Variants in ARHGAP15 observed in about 807,000 individuals in gnomAD.
ARHGAP15 encodes the protein rho GTPase-activating protein 15.
A neutral mutation model predicts 63.7 loss-of-function variants in ARHGAP15; 51 were observed. That is an observed-to-expected ratio of 0.80 (90% CI 0.64 to 1.01). ARHGAP15 has a LOEUF of 1.01. ARHGAP15 is among the 50% of genes least tolerant of loss of function. The probability of loss-of-function intolerance (pLI) is 0.00; values close to 1 mark genes in which losing one functional copy is unlikely to be tolerated. For missense variants in ARHGAP15, 560 were observed against 564.6 expected (o/e 0.99, Z 0.08); for synonymous variants, 191 against 193.8 (o/e 0.99, Z 0.12).
At chr2:143,323,944 G>A (rs893977248) in intron 6 of ARHGAP15, among the ~76,000 whole-genome samples, 1 of 141,546 alleles carries the variant, frequency 7.1e-6, no homozygotes, top group Admixed American at 7.0e-5. Flanking sequence ...GGCAGACAAC[G>A]GGCCATGTAT....
intron 6 of ARHGAP15, among the ~76,000 whole-genome samples, chr2:143,258,817 C>A (rs756843373): frequency 6.6e-6 from 1 of 152,148 alleles, no homozygotes; most frequent in African/African-American, 2.4e-5. Flanking sequence ...CTATTAGATT[C>A]TTGACCTCAG....
At chr2:143,339,630 A>G (rs1684965776) in intron 6 of ARHGAP15, among the ~76,000 whole-genome samples, 2 of 152,120 alleles carry the variant, frequency 1.3e-5, no homozygotes, top group South Asian at 4.1e-4. Context: ...TATTTCTCCC[A>G]TGTCATCAAA....
At chr2:143,137,632 C>G (rs1689201598) in intron 1 of ARHGAP15, among the ~76,000 whole-genome samples, 2 of 152,062 alleles carry the variant, frequency 1.3e-5, no homozygotes, top group South Asian at 4.2e-4. Flanking sequence ...GAGCAACTAC[C>G]TCTAAGTATT....
intron 6 of ARHGAP15, among the ~76,000 whole-genome samples, chr2:143,368,884 A>T (rs1285052327): frequency 1.3e-5 from 2 of 152,146 alleles, no homozygotes; most frequent in Non-Finnish European, 2.9e-5. Flanking sequence ...TGATTAGATC[A>T]CTACTACCTT....
At chr2:143,413,507 C>T (rs1311460396) in intron 6 of ARHGAP15, among the ~76,000 whole-genome samples, 1 of 152,030 alleles carries the variant, frequency 6.6e-6, no homozygotes, top group Non-Finnish European at 1.5e-5. Context: ...TTGATTGATT[C>T]AGACAGTCAA....
At chr2:143,502,875 C>A (rs965616598) in intron 9 of ARHGAP15, among the ~76,000 whole-genome samples, 1 of 152,124 alleles carries the variant, frequency 6.6e-6, no homozygotes, top group African/African-American at 2.4e-5. Context: ...CCACTGTGCC[C>A]GCCCCTGTGT....
intron 9 of ARHGAP15, among the ~76,000 whole-genome samples, chr2:143,512,752 C>T (rs1693645025): frequency 6.6e-6 from 1 of 152,204 alleles, no homozygotes; most frequent in Non-Finnish European, 1.5e-5. Flanking sequence ...AGTGCCATGG[C>T]AAGGATACAG....
intron 5 of ARHGAP15, among the ~76,000 whole-genome samples, chr2:143,249,082 G>A (rs566412530): frequency 6.6e-6 from 1 of 152,200 alleles, no homozygotes; most frequent in African/African-American, 2.4e-5. Flanking sequence ...CTAAAATAGT[G>A]ATCACCTGGG....
At chr2:143,756,835 G>A (rs1041818637) in intron 13 of ARHGAP15, among the ~76,000 whole-genome samples, 3 of 152,106 alleles carry the variant, frequency 2.0e-5, no homozygotes, top group Non-Finnish European at 4.4e-5. Flanking sequence ...TGAATTAGGT[G>A]ATTAAAAAAT....
At chr2:143,405,307 T>G (rs977087057) in intron 6 of ARHGAP15, among the ~76,000 whole-genome samples, 5 of 151,912 alleles carry the variant, frequency 3.3e-5, no homozygotes, top group African/African-American at 1.2e-4. Flanking sequence ...TTTATTTGTT[T>G]TGTATCGTGG....
At chr2:143,357,128 C>T (rs1262871591) in intron 6 of ARHGAP15, among the ~76,000 whole-genome samples, 2 of 152,120 alleles carry the variant, frequency 1.3e-5, no homozygotes, top group Admixed American at 1.3e-4. Context: ...GAATAAGTTT[C>T]CATTACTGAC....
chr2:143,281,486 A>G (rs866072442), intron 6 of ARHGAP15, among the ~76,000 whole-genome samples: 2 of 152,176 alleles, frequency 1.3e-5, no homozygotes, highest in Non-Finnish European at 2.9e-5. Context: ...AAATAGAAAC[A>G]TGCTTCATGA....
chr2:143,497,170 T>C (rs76882054), intron 9 of ARHGAP15, among the ~76,000 whole-genome samples: 2,882 of 152,282 alleles, frequency 0.019, 37 homozygotes, highest in Non-Finnish European at 0.03. Flanking sequence ...AAATCTTGTG[T>C]GTGTGTGTCT....
At chr2:143,590,777 T>C (rs900679434) in intron 11 of ARHGAP15, among the ~76,000 whole-genome samples, 4 of 152,228 alleles carry the variant, frequency 2.6e-5, no homozygotes, top group African/African-American at 9.6e-5. Context: ...ACTTGGGCCT[T>C]CACTAGATGT....
intron 9 of ARHGAP15, among the ~76,000 whole-genome samples, chr2:143,504,889 C>G (rs901889395): frequency 1.3e-5 from 2 of 152,196 alleles, no homozygotes; most frequent in Non-Finnish European, 1.5e-5. Context: ...CTCCATCCCT[C>G]TGGATCCCAC....
chr2:143,530,668 C>T (rs1196481246), intron 10 of ARHGAP15, among the ~76,000 whole-genome samples: 2 of 152,200 alleles, frequency 1.3e-5, no homozygotes, highest in Admixed American at 1.3e-4. Context: ...CATCTACCAT[C>T]CACTGAATAG....
chr2:143,543,874 T>A (rs1281615233), intron 10 of ARHGAP15, among the ~76,000 whole-genome samples: 1 of 152,138 alleles, frequency 6.6e-6, no homozygotes, highest in African/African-American at 2.4e-5. Flanking sequence ...CTTTGTTAGA[T>A]GGTTAACAGC....
chr2:143,593,363 C>A (rs1697392512), intron 11 of ARHGAP15: 1 of 152,118 alleles, frequency 6.6e-6, no homozygotes, highest in Admixed American at 6.6e-5. Flanking sequence ...TGACCTGTGG[C>A]AAAGTACAAT....
At position 143,556,503 on chromosome 2, in the gene ARHGAP15, CAG is replaced by C; in HGVS notation, c.1003+22_1003+23del. The C allele has an allele frequency of 1.2e-6, 2 of 1,600,108 alleles. No individual in the cohort carries two copies. The highest frequency in any genetic ancestry group is 2.2e-5 in the South Asian group (2 of 90,514). ...CAACCAAGGTAAGTGATTTCCACTT[CAG>C]AGATTTTTTCAAACAGTTTCATATG... is the stretch of plus-strand genomic sequence containing the variant. On this transcript the variant is annotated intron_variant, in intron 11 of 13. Transcript: ENST00000295095.
Sources: allele counts gnomAD v4.1 joint callset (sites outside exome capture counted in the v4.1 genomes callset), GRCh38; gene constraint gnomAD v4.1.1; transcripts MANE v1.5; gene names NCBI Gene and HGNC (gene_info 2026-07-23, HGNC 2026-07-21).